The following ESCO1 variants were observed in gnomAD, a reference collection of about 807,000 sequenced individuals.
The protein encoded by ESCO1 is establishment of sister chromatid cohesion N-acetyltransferase 1.
In ESCO1, 33 loss-of-function variants were observed where a neutral mutation model predicts 83.5. The ratio of observed to expected loss-of-function variants is 0.40; its 90% CI spans 0.30 to 0.53. The LOEUF (loss-of-function observed/expected upper bound fraction) is 0.53, where lower values mean the gene tolerates loss of function less well. Ranked by LOEUF, ESCO1 falls within the 20% of genes least tolerant of loss-of-function variation. The pLI is 0.63. For synonymous variants in ESCO1, 332 were observed against 324.3 expected, an observed-to-expected ratio of 1.02 and a Z score of -0.25; for missense variants, 855 against 968.0, an observed-to-expected ratio of 0.88 and a Z score of 1.55.
At chr18:21,577,004 G>C (rs1198288156) in intron 2 of ESCO1, among the ~76,000 whole-genome samples, 16 of 150,204 alleles carry the variant, frequency 1.1e-4, no homozygotes, top group Admixed American at 8.0e-4. Context: ...CTGCACTCCA[G>C]CCTAGGCGAC....
rs947649763 is a variant in ESCO1, at chr18:21,529,960, A to AT, written c.*382dup. ...CTATCACTGGTATCAGCAGATCAAT[A>AT]TAAAAAAATACAGTACCAAGCTACA... On this transcript the variant is annotated 3_prime_UTR_variant, in exon 12 of 12. Transcript: ENST00000269214. 6.4e-6 allele frequency: 1 copy of AT among 156,822 alleles called. No homozygotes were observed. The highest frequency in any genetic ancestry group is 2.4e-5 in the African/African-American group (1 of 41,612). 9.7% of individuals were successfully genotyped at this position (156,822 alleles called of 1,614,324 possible). A position where few individuals can be genotyped will look rare whatever the true frequency, so the allele number is the denominator to read the frequency against.
chr18:21,550,256 T>C (rs2146186910), intron 8 of ESCO1, among the ~76,000 whole-genome samples: 1 of 152,354 alleles, frequency 6.6e-6, no homozygotes, highest in African/African-American at 2.4e-5. Context: ...CTGGGTCAGT[T>C]AATAACCAAC....
At chr18:21,540,225 A>G (rs1395077306) in intron 8 of ESCO1, among the ~76,000 whole-genome samples, 1 of 152,002 alleles carries the variant, frequency 6.6e-6, no homozygotes, top group Non-Finnish European at 1.5e-5. Context: ...TCTCTCTACT[A>G]CTCATTCAGA....
At chr18:21,582,914 G>A (rs897997259) in intron 2 of ESCO1, among the ~76,000 whole-genome samples, 1 of 152,218 alleles carries the variant, frequency 6.6e-6, no homozygotes, top group Non-Finnish European at 1.5e-5. Context: ...TTTCACGCCT[G>A]GCGTGATGGC....
chr18:21,594,467 A>G (rs1318437937), intron 1 of ESCO1, among the ~76,000 whole-genome samples: 1 of 152,138 alleles, frequency 6.6e-6, no homozygotes, highest in Non-Finnish European at 1.5e-5. Flanking sequence ...CTCACATTCT[A>G]AAATGCCTAA....
intron 8 of ESCO1, among the ~76,000 whole-genome samples, chr18:21,548,269 A>G (rs1007511983): frequency 1.3e-5 from 2 of 150,984 alleles, no homozygotes; most frequent in Non-Finnish European, 3.0e-5. Flanking sequence ...AAGGCAGGAC[A>G]ATTGCTTGAG....
chr18:21,555,898 T>A (rs1400999174), intron 8 of ESCO1, among the ~76,000 whole-genome samples: 1 of 152,006 alleles, frequency 6.6e-6, no homozygotes, highest in Non-Finnish European at 1.5e-5. Context: ...AGTTTGAGGT[T>A]ACAATGAGCT....
intron 2 of ESCO1, among the ~76,000 whole-genome samples, chr18:21,584,028 A>G (rs971916765): frequency 1.6e-4 from 25 of 152,204 alleles, no homozygotes; most frequent in African/African-American, 5.3e-4. Flanking sequence ...GGAAGAGAAT[A>G]TACAGAATCA....
chr18:21,543,808 G>A (rs2037936840), intron 8 of ESCO1, among the ~76,000 whole-genome samples: 2 of 152,026 alleles, frequency 1.3e-5, no homozygotes, highest in African/African-American at 4.8e-5. Flanking sequence ...AGATACTAAA[G>A]GGACATAACA....
intron 10 of ESCO1, 94 bp from the exon 11 acceptor site, chr18:21,532,754 C>G: frequency 8.4e-7 from 1 of 1,191,266 alleles, no homozygotes; most frequent in African/African-American, 1.5e-5. Context: ...ATTTGACTGG[C>G]TTAACAAACT....
intron 8 of ESCO1, chr18:21,540,521 C>T (rs1417231131): frequency 1.6e-6 from 2 of 1,248,474 alleles, no homozygotes; most frequent in East Asian, 5.2e-5. Context: ...TAGTCTTATG[C>T]TTATTGATCA....
intron 10 of ESCO1, among the ~76,000 whole-genome samples, chr18:21,533,673 C>T (rs1230177299): frequency 2.6e-5 from 4 of 152,028 alleles, no homozygotes; most frequent in Admixed American, 1.3e-4. Context: ...GTCTAAACAC[C>T]GCTATAAGTC....
At chr18:21,540,613 G>A (rs1386123146) in intron 8 of ESCO1, 2 of 1,340,872 alleles carry the variant, frequency 1.5e-6, no homozygotes, top group African/African-American at 3.0e-5. Context: ...AAGCTACGTT[G>A]TGTGTATCTG....
chr18:21,536,126 C>T lies in ESCO1; in HGVS notation c.2103G>A (p.Met701Ile). ...NDLGFQQAPL[M>I]CYSRTKTLLF... ...GAAGTGTTTTAGTTCTGGAATAGCA[C>T]ATTAGTGGAGCCTGTTGAAAACCTA... The change falls in exon 10 of 12, where the codon ATG becomes ATA. Residue 701 changes from methionine to isoleucine, a missense_variant. This residue lies in a region of ESCO1 where 129 missense variants were observed against 268.5 expected (regional missense o/e 0.48). Coordinates refer to ENST00000269214, the MANE Select transcript of ESCO1 (RefSeq NM_052911.3). 5 of 1,614,140 alleles carry T rather than the reference C, an allele frequency of 3.1e-6. No individual in the cohort carries two copies. The highest frequency in any genetic ancestry group is 4.2e-6 in the Non-Finnish European group (5 of 1,180,010).
intron 4 of ESCO1, among the ~76,000 whole-genome samples, chr18:21,570,885 G>C (rs1418325947): frequency 6.6e-6 from 1 of 151,848 alleles, no homozygotes; most frequent in Non-Finnish European, 1.5e-5. Context: ...GCTGAGGCAG[G>C]AGAATGGCGT....
At chr18:21,562,610 C>T (rs1317359783) in intron 7 of ESCO1, among the ~76,000 whole-genome samples, 1 of 151,780 alleles carries the variant, frequency 6.6e-6, no homozygotes, top group East Asian at 1.9e-4. Flanking sequence ...CCATTGCACT[C>T]TAGCCTGGGT....
At chr18:21,598,905 G>A (rs575620013) in intron 1 of ESCO1, among the ~76,000 whole-genome samples, 1 of 152,232 alleles carries the variant, frequency 6.6e-6, no homozygotes, top group South Asian at 2.1e-4. Context: ...GGGAAAAAGT[G>A]GCTCTATTAC....
At chr18:21,567,536 G>A (rs975837724) in intron 5 of ESCO1, among the ~76,000 whole-genome samples, 19 of 151,362 alleles carry the variant, frequency 1.3e-4, no homozygotes, top group African/African-American at 4.1e-4. Context: ...AATTTGCAAA[G>A]TGGACAATTT....
intron 1 of ESCO1, among the ~76,000 whole-genome samples, chr18:21,596,599 G>A (rs1254662618): frequency 2.0e-5 from 3 of 152,068 alleles, no homozygotes; most frequent in Admixed American, 6.6e-5. Context: ...TTGGGAGGCC[G>A]AGGTAGGGGG....
Sources: gnomAD v4.1 joint callset for allele counts (sites outside exome capture counted in the v4.1 genomes callset) on GRCh38, gnomAD v4.1.1 for gene constraint, gnomAD v4.1.1 regional missense constraint, MANE v1.5 for transcripts, NCBI Gene and HGNC (gene_info 2026-07-23, HGNC 2026-07-21) for gene names.